CHN2: variants seen among roughly 807,000 people sequenced by gnomAD.
CHN2 encodes the protein beta-chimaerin.
In CHN2, 35 loss-of-function variants were observed where a neutral mutation model predicts 56.3. The ratio of observed to expected loss-of-function variants is 0.62; its 90% CI spans 0.47 to 0.82. The LOEUF (loss-of-function observed/expected upper bound fraction) is 0.82. CHN2 is among the 40% of genes least tolerant of loss of function. The probability of loss-of-function intolerance (pLI) is 0.00; values close to 1 mark genes in which losing one functional copy is unlikely to be tolerated. For missense variants in CHN2, 491 were observed against 580.5 expected (o/e 0.85, Z 1.58); for synonymous variants, 210 against 212.8 (o/e 0.99, Z 0.12).
intron 1 of CHN2, among the ~76,000 whole-genome samples, chr7:29,206,914 G>A (rs1430230832): frequency 6.6e-6 from 1 of 152,206 alleles, no homozygotes; most frequent in Non-Finnish European, 1.5e-5. Context: ...GAGACAGAAA[G>A]TAGATGAGTT....
At chr7:29,454,837 T>G (rs1784636329) in intron 6 of CHN2, among the ~76,000 whole-genome samples, 1 of 152,232 alleles carries the variant, frequency 6.6e-6, no homozygotes, top group Non-Finnish European at 1.5e-5. Flanking sequence ...TGAGTGAATT[T>G]TACTGTATCT....
At chr7:29,406,336 G>A (rs1802648580) in intron 6 of CHN2, among the ~76,000 whole-genome samples, 1 of 152,098 alleles carries the variant, frequency 6.6e-6, no homozygotes, top group Admixed American at 6.5e-5. Flanking sequence ...TCAGGAGCCG[G>A]GTAGAACTGC....
intron 6 of CHN2, among the ~76,000 whole-genome samples, chr7:29,475,624 A>C (rs931106289): frequency 6.6e-6 from 1 of 152,254 alleles, no homozygotes; most frequent in Non-Finnish European, 1.5e-5. Flanking sequence ...CTAAATGTCC[A>C]TCAACTGATA....
At chr7:29,337,157 G>A (rs974388447) in intron 1 of CHN2, among the ~76,000 whole-genome samples, 1 of 152,188 alleles carries the variant, frequency 6.6e-6, no homozygotes, top group Non-Finnish European at 1.5e-5. Flanking sequence ...TTTGTTAAAT[G>A]GAGAGAGGAG....
At chr7:29,440,080 A>G (rs1486014353) in intron 6 of CHN2, among the ~76,000 whole-genome samples, 1 of 152,222 alleles carries the variant, frequency 6.6e-6, no homozygotes, top group African/African-American at 2.4e-5. Context: ...CTCCTAGTAC[A>G]GTATGTTTAG....
chr7:29,220,280 A>AGAGAGAG (rs1554366786), intron 1 of CHN2, among the ~76,000 whole-genome samples: 8,685 of 137,894 alleles, frequency 0.063, 378 homozygotes, highest in East Asian at 0.14. Flanking sequence ...AAAAAAAAAA[A>AGAGAGAG]AGAGAGAGAG....
chr7:29,423,736 G>A lies in CHN2; in HGVS notation c.576+22908G>A, dbSNP rs577137052. 1.3e-4 allele frequency among the ~76,000 whole-genome samples: 20 copies of A among 152,340 alleles called. 1 individual carries two copies. Among genetic ancestry groups the A allele is most frequent in the African/African-American group, 4.8e-4 (20 of 41,564 alleles). On this transcript the variant is annotated intron_variant, in intron 6 of 12. Coordinates refer to ENST00000222792, the MANE Select transcript of CHN2 (RefSeq NM_004067.4). ...ATTTAGAGTAAATTCAGCCAGTTCAGGGATTCCCTCTCCCCACTTCCCCCT... is the reference window on the plus strand; with the variant it reads ...ATTTAGAGTAAATTCAGCCAGTTCAAGGATTCCCTCTCCCCACTTCCCCCT...
At chr7:29,486,802 A>G (rs11975425) in intron 7 of CHN2, among the ~76,000 whole-genome samples, 44,528 of 151,946 alleles carry the variant, frequency 0.29, 6,760 homozygotes, top group East Asian at 0.45. Flanking sequence ...TCAAGAAGCT[A>G]AGAATATGTC....
intron 1 of CHN2, among the ~76,000 whole-genome samples, chr7:29,252,610 A>G (rs1788715358): frequency 1.0e-3 from 2 of 1,940 alleles, no homozygotes; most frequent in African/African-American, 6.0e-3. Context: ...TTTTTTTGAG[A>G]CGGAGTCTCG....
chr7:29,374,003 TGA>T (rs1236927494), intron 3 of CHN2, among the ~76,000 whole-genome samples: 1 of 152,250 alleles, frequency 6.6e-6, no homozygotes, highest in Non-Finnish European at 1.5e-5. Flanking sequence ...CTTAAAGTAA[TGA>T]GATTGATTCT....
At chr7:29,497,835 T>C (rs1294590413) in intron 8 of CHN2, among the ~76,000 whole-genome samples, 1 of 152,148 alleles carries the variant, frequency 6.6e-6, no homozygotes, top group Non-Finnish European at 1.5e-5. Context: ...ATGATTCCTA[T>C]TATATGTGGT....
chr7:29,449,531 G>A (rs961134069), intron 6 of CHN2, among the ~76,000 whole-genome samples: 1 of 152,202 alleles, frequency 6.6e-6, no homozygotes, highest in Non-Finnish European at 1.5e-5. Flanking sequence ...GGTCCAGACA[G>A]GACAGAGACT....
intron 6 of CHN2, among the ~76,000 whole-genome samples, chr7:29,435,773 A>T (rs1352748716): frequency 6.6e-6 from 1 of 152,190 alleles, no homozygotes; most frequent in Non-Finnish European, 1.5e-5. Context: ...CAGTCTAGGA[A>T]TTCAGAAAAA....
intron 6 of CHN2, among the ~76,000 whole-genome samples, chr7:29,438,713 A>G (rs1783420420): frequency 6.6e-6 from 1 of 152,156 alleles, no homozygotes; most frequent in South Asian, 2.1e-4. Context: ...CCATGAGATC[A>G]TGTGATTTTT....
chr7:29,365,293 C>T (rs1047841349), intron 2 of CHN2, among the ~76,000 whole-genome samples: 2 of 152,130 alleles, frequency 1.3e-5, no homozygotes, highest in African/African-American at 4.8e-5. Flanking sequence ...TATTTATATC[C>T]ATAGCACCTC....
intron 1 of CHN2, among the ~76,000 whole-genome samples, chr7:29,315,925 T>C (rs1190808868): frequency 1.3e-5 from 2 of 152,112 alleles, no homozygotes; most frequent in Non-Finnish European, 2.9e-5. Context: ...ATTAGGAAAT[T>C]TCTAAGAATT....
intron 3 of CHN2, among the ~76,000 whole-genome samples, chr7:29,381,181 C>T (rs1800468782): frequency 6.6e-6 from 1 of 152,056 alleles, no homozygotes; most frequent in Non-Finnish European, 1.5e-5. Context: ...CAAGTCAGCC[C>T]ATCATGTTTG....
At position 29,200,310 on chromosome 7, in the gene CHN2, C is replaced by T. The variant is rs367688519; in HGVS notation, c.49+5320C>T. Among the ~76,000 whole-genome samples the T allele has an allele frequency of 3.8e-4, 57 of 150,972 alleles. No individual in the cohort carries two copies. In the East Asian group the frequency reaches 0.01, roughly 27 times the overall value. The stretch of plus-strand genomic sequence containing the variant: ...CTTTTTCCCCCTCCTTCCCTCTCTT[C>T]TTTCCTTCCTTTCTCCATTCTTCCC... On this transcript the variant is annotated intron_variant, in intron 1 of 12. Coordinates refer to ENST00000222792, the MANE Select transcript of CHN2 (RefSeq NM_004067.4).
At chr7:29,282,371 T>C (rs145177810) in intron 1 of CHN2, among the ~76,000 whole-genome samples, 10 of 152,364 alleles carry the variant, frequency 6.6e-5, no homozygotes, top group African/African-American at 2.4e-4. Flanking sequence ...TGCTTACAGC[T>C]ACAGCTGTTG....
Sources: gnomAD v4.1 joint callset for allele counts (sites outside exome capture counted in the v4.1 genomes callset) on GRCh38, gnomAD v4.1.1 for gene constraint, MANE v1.5 for transcripts, NCBI Gene and HGNC (gene_info 2026-07-23, HGNC 2026-07-21) for gene names.